Variants in IPMK observed in about 807,000 individuals in gnomAD.
The protein encoded by IPMK is inositol 1,3,4,6-tetrakisphosphate 5-kinase.
Under a neutral mutation model 45.8 loss-of-function variants are expected in IPMK, and 17 were observed. That is an observed-to-expected ratio of 0.37 (90% CI 0.25 to 0.56). The LOEUF (loss-of-function observed/expected upper bound fraction) is 0.56. Ranked by LOEUF, IPMK falls within the 20% of genes least tolerant of loss-of-function variation. The pLI, the probability that IPMK is intolerant of heterozygous loss-of-function variation, is 0.79. For synonymous variants in IPMK, 180 were observed against 184.3 expected, an observed-to-expected ratio of 0.98 and a Z score of 0.19; for missense variants, 399 against 498.0, an observed-to-expected ratio of 0.80 and a Z score of 1.89.
intron 3 of IPMK, among the ~76,000 whole-genome samples, chr10:58,221,984 G>C (rs1418155327): frequency 6.6e-6 from 1 of 151,978 alleles, no homozygotes; most frequent in Non-Finnish European, 1.5e-5. Flanking sequence ...CCTGACCTCA[G>C]GTGATCCACC....
Position 58,196,626 on chromosome 10 carries a change from T to C in IPMK, c.701A>G (p.Glu234Gly). The change falls in exon 6 of 6, where the codon GAG becomes GGG. Residue 234 changes from glutamate (E) to glycine (G), a missense_variant. Physicochemically the swap from Glu to Gly is moderately conservative, Grantham distance 98. Transcript: ENST00000373935. ...DAVAASIQKI[E>G]KILQWFENQK... ...GTTTTCAAACCACTGCAGAATTTTC[T>C]CAATCTTCTGAATACTGGCAGCAAC... 4.3e-6 allele frequency: 7 copies of C among 1,613,904 alleles called. No homozygotes were observed. The highest frequency in any genetic ancestry group is 5.9e-6 in the Non-Finnish European group (7 of 1,179,842).
intron 1 of IPMK, among the ~76,000 whole-genome samples, chr10:58,263,471 T>A (rs1839103724): frequency 6.7e-6 from 1 of 149,424 alleles, no homozygotes; most frequent in Admixed American, 6.7e-5. Context: ...TTGCAGTGAG[T>A]CAAGACCGCG....
At chr10:58,213,681 G>A (rs544230544) in intron 4 of IPMK, among the ~76,000 whole-genome samples, 9 of 147,824 alleles carry the variant, frequency 6.1e-5, no homozygotes, top group Admixed American at 1.4e-4. Context: ...GCGAGACTCC[G>A]TCTCAAAAAA....
At chr10:58,258,633 T>G (rs1248740774) in intron 1 of IPMK, among the ~76,000 whole-genome samples, 2 of 152,062 alleles carry the variant, frequency 1.3e-5, no homozygotes, top group East Asian at 3.9e-4. Flanking sequence ...TGGATCAAAA[T>G]TCACAATGGA....
At chr10:58,228,367 G>GA (rs1402150522) in intron 2 of IPMK, among the ~76,000 whole-genome samples, 2 of 152,116 alleles carry the variant, frequency 1.3e-5, no homozygotes, top group South Asian at 2.1e-4. Flanking sequence ...TAAAGGCACA[G>GA]AAAAAATTAC....
intron 1 of IPMK, among the ~76,000 whole-genome samples, chr10:58,264,566 T>G (rs1035810041): frequency 6.6e-6 from 1 of 152,196 alleles, no homozygotes; most frequent in Non-Finnish European, 1.5e-5. Flanking sequence ...TGGTGAGTTT[T>G]GGGAATTTAT....
chr10:58,220,277 A>G (rs545290581), intron 3 of IPMK, among the ~76,000 whole-genome samples: 73 of 152,150 alleles, frequency 4.8e-4, no homozygotes, highest in Non-Finnish European at 1.0e-3. Context: ...CTGGGCTTTG[A>G]TAGGGTTCAG....
intron 1 of IPMK, among the ~76,000 whole-genome samples, chr10:58,259,836 T>C (rs187430314): frequency 4.5e-4 from 69 of 151,996 alleles, no homozygotes; most frequent in African/African-American, 1.6e-3. Context: ...CAAGAACCTG[T>C]CTCAAAAAAC....
chr10:58,257,244 C>T (rs1838983721), intron 1 of IPMK, among the ~76,000 whole-genome samples: 1 of 152,156 alleles, frequency 6.6e-6, no homozygotes, highest in Non-Finnish European at 1.5e-5. Flanking sequence ...CCTGTAATCC[C>T]AGCACTTTGG....
chr10:58,261,812 C>A (rs1839072752), intron 1 of IPMK, among the ~76,000 whole-genome samples: 1 of 152,112 alleles, frequency 6.6e-6, no homozygotes, highest in Non-Finnish European at 1.5e-5. Context: ...AACCTCCTGG[C>A]CTTGGCCTCC....
chr10:58,215,705 C>G (rs1001579496), intron 4 of IPMK, among the ~76,000 whole-genome samples: 5 of 152,146 alleles, frequency 3.3e-5, no homozygotes, highest in African/African-American at 1.2e-4. Context: ...CCACTGTGCC[C>G]GGCCACACAA....
chr10:58,251,788 A>C (rs1838884403), intron 1 of IPMK, among the ~76,000 whole-genome samples: 1 of 152,204 alleles, frequency 6.6e-6, no homozygotes, highest in South Asian at 2.1e-4. Flanking sequence ...TATCTGATAC[A>C]ACCATAGCTA....
At chr10:58,248,714 T>A (rs1346780846) in intron 1 of IPMK, among the ~76,000 whole-genome samples, 2 of 152,188 alleles carry the variant, frequency 1.3e-5, no homozygotes, top group African/African-American at 2.4e-5. Flanking sequence ...TTTCCCAGCT[T>A]CTGGCAACCA....
At chr10:58,252,908 G>A (rs919758216) in intron 1 of IPMK, among the ~76,000 whole-genome samples, 9 of 151,346 alleles carry the variant, frequency 5.9e-5, no homozygotes, top group East Asian at 1.9e-4. Flanking sequence ...CACTGTGCCC[G>A]GCCACATCCA....
chr10:58,228,915 A>T (rs1174998757), intron 2 of IPMK, among the ~76,000 whole-genome samples: 1 of 152,228 alleles, frequency 6.6e-6, no homozygotes, highest in Non-Finnish European at 1.5e-5. Flanking sequence ...TGCCTATGAA[A>T]CAAAAGTGTT....
intron 1 of IPMK, among the ~76,000 whole-genome samples, chr10:58,260,650 A>T (rs959270296): frequency 5.9e-5 from 9 of 152,132 alleles, no homozygotes; most frequent in African/African-American, 1.9e-4. Context: ...ATAAATTTAA[A>T]TTTTTTTCAA....
intron 2 of IPMK, among the ~76,000 whole-genome samples, chr10:58,234,164 G>A (rs1356067852): frequency 1.3e-5 from 2 of 152,128 alleles, no homozygotes; most frequent in African/African-American, 4.8e-5. Flanking sequence ...CAAAATAAAA[G>A]AGGACACAAA....
At chr10:58,233,686 T>C (rs1225968871) in intron 2 of IPMK, among the ~76,000 whole-genome samples, 2 of 152,104 alleles carry the variant, frequency 1.3e-5, no homozygotes. Flanking sequence ...ATAAGAGCTA[T>C]TTATGACAAG....
intron 5 of IPMK, among the ~76,000 whole-genome samples, 192 bp downstream of exon 5, chr10:58,199,048 T>C (rs2132142208): frequency 1.3e-5 from 2 of 152,224 alleles, no homozygotes; most frequent in Admixed American, 6.5e-5. Context: ...GGGCCATTCA[T>C]AGTCCCATGC....
Sources: allele counts gnomAD v4.1 joint callset (sites outside exome capture counted in the v4.1 genomes callset), GRCh38; gene constraint gnomAD v4.1.1; transcripts MANE v1.5; gene names NCBI Gene and HGNC (gene_info 2026-07-23, HGNC 2026-07-21).